RBFOX1: variants seen among roughly 807,000 people sequenced by gnomAD.
RBFOX1 encodes RNA binding protein fox-1 homolog 1.
Under a neutral mutation model 57.7 loss-of-function variants are expected in RBFOX1, and 8 were observed. The ratio of observed to expected loss-of-function variants is 0.14; its 90% confidence interval spans 0.08 to 0.25. RBFOX1 has a LOEUF of 0.25. Among genes scored for constraint, RBFOX1 ranks in the 10% least tolerant of loss-of-function variants. The pLI, the probability that RBFOX1 is intolerant of heterozygous loss-of-function variation, is 1.00. For synonymous variants in RBFOX1, 326 were observed against 222.4 expected (o/e 1.47, Z -4.15); for missense variants, 611 against 548.5 (o/e 1.11, Z -1.14).
In RBFOX1 at chr16:6,751,313, A is replaced by T. The variant is rs1479161913; in HGVS notation, c.-16+96663A>T. Among the ~76,000 whole-genome samples, 3 of 152,156 alleles carry T rather than the reference A, an allele frequency of 2.0e-5. No individual in the cohort carries two copies. The South Asian group carries it at 6.2e-4, about 32-fold the overall frequency. On this transcript the variant is annotated intron_variant, in intron 3 of 15. Coordinates refer to ENST00000550418, the MANE Select transcript of RBFOX1 (RefSeq NM_018723.4). ...GGAAGTTGGCAGTGGTACGGGAGAG[A>T]AATGACAGTGCCCTCTACCAGAAAA...
At chr16:7,246,208 A>T (rs1306043164) in intron 4 of RBFOX1, among the ~76,000 whole-genome samples, 1 of 152,198 alleles carries the variant, frequency 6.6e-6, no homozygotes, top group African/African-American at 2.4e-5. Flanking sequence ...ACTGCTTTCA[A>T]ATTTGAGAGA....
At chr16:6,169,596 G>A (rs116495518) in intron 1 of RBFOX1, among the ~76,000 whole-genome samples, 1 of 152,022 alleles carries the variant, frequency 6.6e-6, no homozygotes. Flanking sequence ...GGGAAATGAG[G>A]TACAGAAATT....
intron 11 of RBFOX1, among the ~76,000 whole-genome samples, chr16:7,640,197 A>G (rs1040706052): frequency 6.6e-6 from 1 of 152,214 alleles, no homozygotes; most frequent in Non-Finnish European, 1.5e-5. Context: ...TGTCATAATC[A>G]TAACCCACTT....
intron 4 of RBFOX1, among the ~76,000 whole-genome samples, chr16:5,908,863 T>C (rs975028171): frequency 6.6e-6 from 1 of 151,900 alleles, no homozygotes; most frequent in Admixed American, 6.6e-5. Context: ...TGAGTGGGAT[T>C]AGTGTCCTTA....
rs33912010 is a variant in RBFOX1 at position 5,989,880 on chromosome 16, A to ACACACACACACACACACACACACACACC, written c.351+122546_351+122547insACACACACACACACACACACACACACCC. ...CACACACACACACACACACACACACACCACCCCTGTTTTATAATAGGAGTA... is the reference window on the plus strand; with the variant it reads ...CACACACACACACACACACACACACACACACACACACACACACACACACACACCCCACCCCTGTTTTATAATAGGAGTA... On this transcript the variant is annotated intron_variant, in intron 4 of 19. Coordinates refer to the RBFOX1 transcript ENST00000641259. Among the ~76,000 whole-genome samples the ACACACACACACACACACACACACACACC allele has an allele frequency of 7.4e-3, 939 of 127,258 alleles. 39 individuals carry two copies. Among genetic ancestry groups the ACACACACACACACACACACACACACACC allele is most frequent in the South Asian group, 0.02 (71 of 3,618 alleles). The allele number at this position is 127,258 out of a possible 152,430, so 83.5% of individuals were successfully genotyped here. A position where few individuals can be genotyped will look rare whatever the true frequency, so the allele number is the denominator to read the frequency against.
rs539490829 is a variant in RBFOX1 at position 7,169,137 on chromosome 16, A to G, written c.27+117039A>G. ...AATGTGAAGTTCTCACCTATTAAGAAGGCAACACCAATAATTGTTTCAAAT... is the reference window on the plus strand; with the variant it reads ...AATGTGAAGTTCTCACCTATTAAGAGGGCAACACCAATAATTGTTTCAAAT... On this transcript the variant is annotated intron_variant, in intron 4 of 15. Transcript: ENST00000550418. Among the ~76,000 whole-genome samples the G allele has an allele frequency of 9.1e-4, 139 of 152,340 alleles. 1 individual carries two copies. Among genetic ancestry groups the G allele is most frequent in the Non-Finnish European group, 1.6e-3 (107 of 68,032 alleles).
rs114454012 is a variant in RBFOX1, at chr16:7,676,863, G to C, written c.995+25G>C. 1,583 of 1,588,464 alleles carry C rather than the reference G, an allele frequency of 1.0e-3. 9 individuals carry two copies. The African/African-American group carries it at 0.019, about 19-fold the overall frequency. ...GGTAAGGGTCATCCTTCTTGTGCTT[G>C]ACAACTACTTGTAAATTAACTTAGT... On this transcript the variant is annotated intron_variant, in intron 14 of 15. Transcript: ENST00000550418.
In RBFOX1 at chr16:7,610,118, C is replaced by CTTTTTTTTTTTTTTTTTTTTTTTTTT. The variant is rs34468596; in HGVS notation, c.676+2801_676+2802insTTTTTTTTTTTTTTTTTTTTTTTTTT. On this transcript the variant is annotated intron_variant, in intron 10 of 15. Transcript: ENST00000550418. ...GGTGTGAGCCACTGCGCCCGGCCCC[C>CTTTTTTTTTTTTTTTTTTTTTTTTTT]TTTTTTTTTTTTTTTTTTTTTGAGG... Among the ~76,000 whole-genome samples, 11 of 65,614 alleles carry CTTTTTTTTTTTTTTTTTTTTTTTTTT rather than the reference C, an allele frequency of 1.7e-4. 5 individuals carry two copies. The highest frequency in any genetic ancestry group is 7.2e-4 in the African/African-American group (9 of 12,430). 43.0% of individuals were successfully genotyped at this position (65,614 alleles called of 152,430 possible).
intron 1 of RBFOX1, among the ~76,000 whole-genome samples, chr16:5,325,560 C>T (rs1478710602): frequency 6.6e-6 from 1 of 152,124 alleles, no homozygotes. Context: ...CTCCATCCAC[C>T]CCCAAACACT....
Position 6,635,126 on chromosome 16 carries a change from TTATG to T in RBFOX1, c.-63-19473_-63-19470del, listed in dbSNP as rs532255126. Among the ~76,000 whole-genome samples, 157 of 146,700 alleles carry T rather than the reference TTATG, an allele frequency of 1.1e-3. 2 individuals are homozygous for T. The Middle Eastern group carries it at 0.032, about 30-fold the overall frequency. ...ATAAAGTATTATATGTAAGTATACA[TTATG>T]TATTATATTAAATGTATATGATATG... On this transcript the variant is annotated intron_variant, in intron 2 of 15. Transcript: ENST00000550418.
Position 7,084,582 on chromosome 16 carries a change from C to G in RBFOX1, c.27+32484C>G, listed in dbSNP as rs571174560. ...CAAGGTGCTGCCTCATAACTGACTT[C>G]AGTGACTATGTGAGAGGTATAAAGG... is the stretch of plus-strand genomic sequence containing the variant. On this transcript the variant is annotated intron_variant, in intron 4 of 15. Transcript: ENST00000550418. Among the ~76,000 whole-genome samples, 40 of 152,292 alleles carry G rather than the reference C, an allele frequency of 2.6e-4. No homozygotes were observed. In the East Asian group the frequency reaches 6.6e-3, roughly 25 times the overall value.
At chr16:7,364,486 C>T (rs933291916) in intron 4 of RBFOX1, among the ~76,000 whole-genome samples, 1 of 147,704 alleles carries the variant, frequency 6.8e-6, no homozygotes, top group African/African-American at 2.5e-5. Flanking sequence ...TGCTGAGTTT[C>T]AAGTACTAGA....
chr16:6,286,324 C>G (rs769349518), intron 1 of RBFOX1, among the ~76,000 whole-genome samples: 1 of 152,032 alleles, frequency 6.6e-6, no homozygotes, highest in African/African-American at 2.4e-5. Flanking sequence ...GTGTCGATAA[C>G]TTGGGAAGAG....
At chr16:7,479,793 T>G (rs1262294861) in intron 4 of RBFOX1, among the ~76,000 whole-genome samples, 1 of 152,186 alleles carries the variant, frequency 6.6e-6, no homozygotes, top group African/African-American at 2.4e-5. Context: ...CTCCCCAGCA[T>G]GTCGAATTTG....
intron 3 of RBFOX1, among the ~76,000 whole-genome samples, chr16:6,727,182 G>A (rs936428730): frequency 6.6e-6 from 1 of 151,544 alleles, no homozygotes; most frequent in African/African-American, 2.4e-5. Context: ...AGAAAGAAGA[G>A]GTGAGACTCA....
At chr16:5,822,220 G>T (rs3886165) in intron 3 of RBFOX1, among the ~76,000 whole-genome samples, 61,659 of 151,968 alleles carry the variant, frequency 0.41, 13,258 homozygotes, top group East Asian at 0.6. Context: ...ACTGATATGT[G>T]AGAGCTAAGC....
chr16:5,531,745 G>A (rs768382988), intron 2 of RBFOX1, among the ~76,000 whole-genome samples: 1 of 151,640 alleles, frequency 6.6e-6, no homozygotes, highest in African/African-American at 2.4e-5. Flanking sequence ...CTTCTATTAA[G>A]TCTCATTTCT....
intron 3 of RBFOX1, among the ~76,000 whole-genome samples, chr16:6,886,791 AAAC>A (rs2064149664): frequency 6.6e-6 from 1 of 151,982 alleles, no homozygotes; most frequent in South Asian, 2.1e-4. Flanking sequence ...AACAAAAAAA[AAAC>A]CAGAAAAAAA....
At chr16:6,707,478 G>GTTTTTTTTTTTTTTTTTTTTTTTT (rs61418784) in intron 3 of RBFOX1, among the ~76,000 whole-genome samples, 3 of 128,310 alleles carry the variant, frequency 2.3e-5, no homozygotes, top group Non-Finnish European at 3.2e-5. Context: ...TCCCATTTTT[G>GTTTTTTTTTTTTTTTTTTTTTTTT]TTTTTTTTTT....
Sources: gnomAD v4.1 joint callset for allele counts (sites outside exome capture counted in the v4.1 genomes callset) on GRCh38, gnomAD v4.1.1 for gene constraint, MANE v1.5 for transcripts, NCBI Gene and HGNC (gene_info 2026-07-23, HGNC 2026-07-21) for gene names.